Variants in XIRP2 observed in about 807,000 individuals in gnomAD.
XIRP2 encodes the protein xin actin binding repeat containing 2.
XIRP2 carries 236 observed loss-of-function variants against 277.0 expected under a neutral mutation model. The observed-to-expected ratio is 0.85, with a 90% CI of 0.77 to 0.95. The LOEUF (loss-of-function observed/expected upper bound fraction) is 0.95. Ranked by LOEUF, XIRP2 falls within the 40% of genes least tolerant of loss-of-function variation. The pLI, the probability that XIRP2 is intolerant of heterozygous loss-of-function variation, is 0.00. For missense variants in XIRP2, 4,640 were observed against 4,157.5 expected (o/e 1.12, Z -3.19); for synonymous variants, 1,490 against 1,416.5 (o/e 1.05, Z -1.17).
Position 167,078,534 on chromosome 2 carries a change from TTGCCTTTAACGGCAAA to T in XIRP2, c.409-57374_409-57359del, listed in dbSNP as rs200693713. On this transcript the variant is annotated intron_variant, in intron 2 of 10. Transcript: ENST00000409195. Reference sequence around the variant, plus strand: ...GTTGGTGCAAAAGTAATTGCGGTTTTTGCCTTTAACGGCAAAAACTGGCCGGGAGTGGTGGCTCACG... The same window carrying T: ...GTTGGTGCAAAAGTAATTGCGGTTTTAACTGGCCGGGAGTGGTGGCTCACG... Among the ~76,000 whole-genome samples, 322 of 152,234 alleles carry T rather than the reference TTGCCTTTAACGGCAAA, an allele frequency of 2.1e-3. 13 individuals carry two copies. In the East Asian group the frequency reaches 0.057, roughly 27 times the overall value.
chr2:167,037,568 T>C (rs1337009646), intron 2 of XIRP2, among the ~76,000 whole-genome samples: 1 of 151,050 alleles, frequency 6.6e-6, no homozygotes, highest in Admixed American at 6.6e-5. Context: ...TTTTAAGATA[T>C]TTCAACTTCT....
At chr2:167,003,338 G>A (rs1330692875) in intron 2 of XIRP2, among the ~76,000 whole-genome samples, 1 of 151,848 alleles carries the variant, frequency 6.6e-6, no homozygotes, top group Non-Finnish European at 1.5e-5. Flanking sequence ...AATAAATTCT[G>A]AAAAAGATGC....
chr2:167,121,121 A>G (rs191898686), intron 2 of XIRP2, among the ~76,000 whole-genome samples: 10 of 152,306 alleles, frequency 6.6e-5, no homozygotes, highest in Non-Finnish European at 8.8e-5. Context: ...ATATAAACAT[A>G]GGTCTGATAT....
intron 3 of XIRP2, among the ~76,000 whole-genome samples, chr2:167,184,051 A>G (rs2105359725): frequency 6.6e-6 from 1 of 152,264 alleles, no homozygotes; most frequent in South Asian, 2.1e-4. Context: ...CACCATGCGA[A>G]GCTTCCGAAT....
intron 2 of XIRP2, among the ~76,000 whole-genome samples, chr2:166,966,997 C>A (rs1286269697): frequency 6.6e-6 from 1 of 151,874 alleles, no homozygotes; most frequent in Non-Finnish European, 1.5e-5. Flanking sequence ...TGTAGGCACC[C>A]CATATTTGAG....
At chr2:167,086,475 T>A (rs1386337153) in intron 2 of XIRP2, among the ~76,000 whole-genome samples, 1 of 151,768 alleles carries the variant, frequency 6.6e-6, no homozygotes, top group Non-Finnish European at 1.5e-5. Context: ...ATTTCCTGAA[T>A]CTGAACGTTG....
At chr2:166,949,822 C>T (rs576162239) in intron 2 of XIRP2, among the ~76,000 whole-genome samples, 30 of 152,154 alleles carry the variant, frequency 2.0e-4, no homozygotes, top group Admixed American at 3.9e-4. Flanking sequence ...ATGTGTCATA[C>T]ATTGTGTTTA....
intron 2 of XIRP2, among the ~76,000 whole-genome samples, chr2:166,961,773 C>T (rs1686303618): frequency 6.6e-6 from 1 of 151,716 alleles, no homozygotes; most frequent in African/African-American, 2.4e-5. Context: ...GAGTGGAATT[C>T]TAATTTACCT....
At chr2:167,047,452 C>T (rs1327906952) in intron 2 of XIRP2, among the ~76,000 whole-genome samples, 2 of 151,300 alleles carry the variant, frequency 1.3e-5, no homozygotes, top group Non-Finnish European at 3.0e-5. Context: ...AAAATGGAGA[C>T]ATATTTTCAG....
chr2:166,973,089 A>T (rs1379241074), intron 2 of XIRP2, among the ~76,000 whole-genome samples: 4 of 152,190 alleles, frequency 2.6e-5, no homozygotes, highest in Non-Finnish European at 5.9e-5. Flanking sequence ...GCTTCATTTC[A>T]TACCACTTGC....
At chr2:167,085,773 T>A (rs1482148138) in intron 2 of XIRP2, among the ~76,000 whole-genome samples, 2 of 152,130 alleles carry the variant, frequency 1.3e-5, no homozygotes, top group African/African-American at 2.4e-5. Flanking sequence ...AACCCCTGCC[T>A]TTTTTGTTTT....
At chr2:166,908,987 G>C (rs957450947) in intron 2 of XIRP2, among the ~76,000 whole-genome samples, 1 of 152,030 alleles carries the variant, frequency 6.6e-6, no homozygotes, top group African/African-American at 2.4e-5. Context: ...TCTCTGTTTT[G>C]GTACCAGTAC....
At chr2:166,928,422 T>C (rs1682978528) in intron 2 of XIRP2, among the ~76,000 whole-genome samples, 1 of 152,132 alleles carries the variant, frequency 6.6e-6, no homozygotes, top group Non-Finnish European at 1.5e-5. Flanking sequence ...TATAAAAGGC[T>C]TATAAAGTTT....
rs554325146 is a variant in XIRP2 at position 167,244,946 on chromosome 2, T to A, written c.3554T>A (p.Ile1185Asn). The part of the protein sequence containing the change: ...DSIQGEEVKE[I>N]KPVEMDIQAG... ...ATACAAGGAGAAGAAGTGAAGGAAA[T>A]CAAGCCTGTTGAAATGGATATACAA... The change falls in exon 9 of 11, where the codon ATC becomes AAC. Residue 1185 changes from isoleucine (I) to asparagine (N), a missense_variant. Transcript: ENST00000409195. 28 of 1,612,212 alleles carry A rather than the reference T, an allele frequency of 1.7e-5. No homozygotes were observed. In the South Asian group the frequency reaches 2.8e-4, roughly 16 times the overall value.
chr2:167,054,841 G>A (rs1000203340), intron 2 of XIRP2, among the ~76,000 whole-genome samples: 2 of 152,128 alleles, frequency 1.3e-5, no homozygotes, highest in African/African-American at 4.8e-5. Flanking sequence ...ACTCACAGAA[G>A]CTGAAAGATA....
At chr2:167,127,752 C>T (rs927175404) in intron 2 of XIRP2, among the ~76,000 whole-genome samples, 2 of 152,168 alleles carry the variant, frequency 1.3e-5, no homozygotes, top group African/African-American at 4.8e-5. Context: ...ACTTCCTGGC[C>T]CTTAAGAATG....
intron 2 of XIRP2, among the ~76,000 whole-genome samples, chr2:166,982,909 C>T (rs1686912216): frequency 6.6e-6 from 1 of 152,136 alleles, no homozygotes; most frequent in African/African-American, 2.4e-5. Context: ...GATTACAACT[C>T]TCCCTCTTAC....
intron 2 of XIRP2, among the ~76,000 whole-genome samples, chr2:167,040,821 G>A (rs1455470998): frequency 6.6e-6 from 1 of 152,044 alleles, no homozygotes; most frequent in Non-Finnish European, 1.5e-5. Flanking sequence ...TGCAGGGTGG[G>A]CCCCCACCAG....
At chr2:167,007,364 A>G (rs1456089123) in intron 2 of XIRP2, among the ~76,000 whole-genome samples, 3 of 151,708 alleles carry the variant, frequency 2.0e-5, no homozygotes, top group African/African-American at 7.3e-5. Context: ...TATTCTTTGT[A>G]TATAACAAAA....
Sources: gnomAD v4.1 joint callset for allele counts (sites outside exome capture counted in the v4.1 genomes callset) on GRCh38, gnomAD v4.1.1 for gene constraint, MANE v1.5 for transcripts, NCBI Gene and HGNC (gene_info 2026-07-23, HGNC 2026-07-21) for gene names.